Variants in RPIA observed in about 807,000 individuals in gnomAD.
The protein encoded by RPIA is ribose-5-phosphate isomerase.
Under a neutral mutation model 37.8 loss-of-function variants are expected in RPIA, and 29 were observed. That is an observed-to-expected ratio of 0.77 (90% CI 0.57 to 1.05). The LOEUF is 1.05. RPIA is among the 50% of genes least tolerant of loss of function. The pLI is 0.00. For missense variants in RPIA, 385 were observed against 413.6 expected, an observed-to-expected ratio of 0.93 and a Z score of 0.60; for synonymous variants, 167 against 157.0, an observed-to-expected ratio of 1.06 and a Z score of -0.48.
chr2:88,734,517 G>A, intron 4 of RPIA, 35 bp from the exon 5 acceptor site: 1 of 1,609,072 alleles, frequency 6.2e-7, no homozygotes, highest in Non-Finnish European at 8.5e-7. Context: ...CTCCCCTCGA[G>A]TGGTTTTTGT....
rs1244402825 is a variant in RPIA at position 88,730,360 on chromosome 2, CA to C, written c.462+1028del. On this transcript the variant is annotated intron_variant, in intron 4 of 8. Transcript: ENST00000283646. ...TGGCAAACCGAATCCAGTTGCACAT[CA>C]AAAAGCTTATCCACCATGATCAAGT... Among the ~76,000 whole-genome samples the C allele has an allele frequency of 4.2e-4, 44 of 105,762 alleles. 6 individuals are homozygous for C. The Middle Eastern group carries it at 0.023, about 56-fold the overall frequency. The allele number at this position is 105,762 out of a possible 152,430, so 69.4% of individuals were successfully genotyped here.
chr2:88,729,601 A>C (rs553983149), intron 4 of RPIA, among the ~76,000 whole-genome samples: 17 of 152,310 alleles, frequency 1.1e-4, no homozygotes, highest in African/African-American at 4.1e-4. Context: ...CCAGGGCTAT[A>C]TCCAGGGCTT....
At position 88,738,747 on chromosome 2, in the gene RPIA, A is replaced by G. The variant is rs569130846; in HGVS notation, c.838+671A>G. Reference sequence around the variant, plus strand: ...TTTTTCATCCATGCCTTGGCATAACATAAGTTAAACACGGTGCTAAACGTC... The same window carrying G: ...TTTTTCATCCATGCCTTGGCATAACGTAAGTTAAACACGGTGCTAAACGTC... On this transcript the variant is annotated intron_variant, in intron 8 of 8. Transcript: ENST00000283646. Among the ~76,000 whole-genome samples the G allele has an allele frequency of 3.9e-5, 6 of 152,338 alleles. No homozygotes were observed. In the South Asian group the frequency reaches 1.0e-3, roughly 26 times the overall value.
At position 88,691,952 on chromosome 2, in the gene RPIA, C is replaced by T. The variant is rs758227602; in HGVS notation, c.254C>T (p.Ala85Val). The T allele has an allele frequency of 1.3e-6, 2 of 1,593,596 alleles. No individual in the cohort carries two copies. The highest frequency in any genetic ancestry group is 1.3e-5 in the African/African-American group (1 of 74,668). Residue 85 changes from alanine to valine, a missense_variant, in exon 1 of 9, where the codon GCG (alanine) becomes GTG (valine). Around this residue, in one of 2 missense-constraint regions of RPIA, gnomAD observed 232 missense variants for 203.0 expected, o/e 1.14. Transcript: ENST00000283646. ...MSKAEEAKKLAGRAAVENHVR... is the reference protein window; with the variant it reads ...MSKAEEAKKLVGRAAVENHVR... ...AAGGCCGAGGAGGCCAAGAAGCTGG[C>T]GGGCCGCGCGGCTGTGGAGAACCAC...
intron 3 of RPIA, among the ~76,000 whole-genome samples, chr2:88,705,130 CAAATTACTGCCCAAA>C (rs1672882149): frequency 6.6e-6 from 1 of 152,090 alleles, no homozygotes; most frequent in African/African-American, 2.4e-5. Context: ...TGAAAACGGC[CAAATTACTGCCCAAA>C]GTAATTTATA....
intron 3 of RPIA, among the ~76,000 whole-genome samples, chr2:88,727,098 C>CGCGCGCATGTGTGCGCGTGCATGTGT (rs1673207820): frequency 6.7e-6 from 1 of 148,728 alleles, no homozygotes; most frequent in African/African-American, 2.6e-5. Flanking sequence ...TGTGTGTGTG[C>CGCGCGCATGTGTGCGCGTGCATGTGT]GCGCGCATGT....
intron 8 of RPIA, among the ~76,000 whole-genome samples, chr2:88,738,947 T>C (rs1673350354): frequency 6.6e-6 from 1 of 152,164 alleles, no homozygotes; most frequent in South Asian, 2.1e-4. Context: ...GAGGAGAGGC[T>C]GTGTGAAATG....
intron 8 of RPIA, among the ~76,000 whole-genome samples, chr2:88,745,567 CT>C (rs1237727500): frequency 4.6e-5 from 7 of 151,954 alleles, no homozygotes; most frequent in Non-Finnish European, 8.8e-5. Context: ...AAATTCTTGG[CT>C]GATAATTAAT....
At chr2:88,725,831 G>A (rs112537912) in intron 3 of RPIA, among the ~76,000 whole-genome samples, 138 of 152,256 alleles carry the variant, frequency 9.1e-4, no homozygotes, top group African/African-American at 3.2e-3. Flanking sequence ...CCACTCCTGC[G>A]GGGAGGCAAG....
At chr2:88,703,616 G>A (rs1672861876) in intron 3 of RPIA, among the ~76,000 whole-genome samples, 1 of 152,198 alleles carries the variant, frequency 6.6e-6, no homozygotes, top group East Asian at 1.9e-4. Flanking sequence ...GGGACCCTGG[G>A]CCTGGCCCAC....
At chr2:88,746,601 G>A (rs528727412) in intron 8 of RPIA, among the ~76,000 whole-genome samples, 23 of 152,344 alleles carry the variant, frequency 1.5e-4, no homozygotes, top group African/African-American at 5.5e-4. Flanking sequence ...AAAGTCCTGT[G>A]ATGTGATCTG....
At chr2:88,704,288 A>G (rs555518627) in intron 3 of RPIA, among the ~76,000 whole-genome samples, 3 of 152,326 alleles carry the variant, frequency 2.0e-5, no homozygotes, top group Non-Finnish European at 4.4e-5. Context: ...GCTGATAAAG[A>G]CATACCTGAG....
chr2:88,742,598 T>C (rs1407653334), intron 8 of RPIA, among the ~76,000 whole-genome samples: 1 of 152,192 alleles, frequency 6.6e-6, no homozygotes, highest in Non-Finnish European at 1.5e-5. Context: ...TGGCGGTATT[T>C]CGATGGGAAT....
chr2:88,712,913 G>C (rs907452140), intron 3 of RPIA, among the ~76,000 whole-genome samples: 2 of 151,320 alleles, frequency 1.3e-5, no homozygotes, highest in Admixed American at 6.6e-5. Context: ...TTGTCATCCA[G>C]GCTGGAGTGC....
chr2:88,746,170 T>G (rs1485423997), intron 8 of RPIA, among the ~76,000 whole-genome samples: 1 of 152,106 alleles, frequency 6.6e-6, no homozygotes, highest in Non-Finnish European at 1.5e-5. Flanking sequence ...TTCTCTGGAG[T>G]CCTTTTAAAT....
Position 88,734,590 on chromosome 2 carries a change from T to C in RPIA, c.501T>C (p.Ala167=). Residue 167 remains alanine, a synonymous_variant, in exon 5 of 9, where the codon GCT becomes GCC. Coordinates refer to ENST00000283646, the MANE Select transcript of RPIA (RefSeq NM_144563.3). ...TCGATGGTGCTGATGAAGTAGATGC[T>C]GATCTCAATCTCATCAAGGGTGGCG... is the stretch of plus-strand genomic sequence containing the variant. The part of the protein sequence containing the change: ...LAIDGADEVD[A]DLNLIKGGGG... 6.2e-7 allele frequency: 1 copy of C among 1,614,256 alleles called. No homozygotes were observed. Among genetic ancestry groups the C allele is most frequent in the Non-Finnish European group, 8.5e-7 (1 of 1,180,044 alleles).
intron 3 of RPIA, among the ~76,000 whole-genome samples, chr2:88,713,944 G>A (rs2104097817): frequency 6.7e-6 from 1 of 149,698 alleles, no homozygotes; most frequent in African/African-American, 2.5e-5. Context: ...CACTGAGGAT[G>A]TTAATGATTT....
At chr2:88,729,027 G>A (rs1673232293) in intron 3 of RPIA, among the ~76,000 whole-genome samples, 3 of 152,312 alleles carry the variant, frequency 2.0e-5, no homozygotes, top group Middle Eastern at 3.4e-3. Flanking sequence ...ACAAGTCACT[G>A]ACGAGGAGCT....
intron 3 of RPIA, among the ~76,000 whole-genome samples, chr2:88,724,676 T>C (rs1435027046): frequency 6.6e-6 from 1 of 152,140 alleles, no homozygotes; most frequent in Non-Finnish European, 1.5e-5. Context: ...CATGCCCTAC[T>C]TTTTAAACAA....
Sources: gnomAD v4.1 joint callset for allele counts (sites outside exome capture counted in the v4.1 genomes callset) on GRCh38, gnomAD v4.1.1 for gene constraint, gnomAD v4.1.1 regional missense constraint, MANE v1.5 for transcripts, NCBI Gene and HGNC (gene_info 2026-07-23, HGNC 2026-07-21) for gene names.